Variants in ACOT11 observed in about 807,000 individuals in gnomAD.
ACOT11 encodes acyl-CoA thioesterase 11, also known as acyl-coenzyme A thioesterase 11.
ACOT11 carries 69 observed loss-of-function variants against 77.5 expected under a neutral mutation model. The observed-to-expected ratio is 0.89, with a 90% CI of 0.73 to 1.09. ACOT11 has a LOEUF of 1.09. Among genes scored for constraint, ACOT11 ranks in the 50% least tolerant of loss-of-function variants. The pLI is 0.00. For missense variants in ACOT11, 766 were observed against 813.7 expected (o/e 0.94, Z 0.71); for synonymous variants, 279 against 313.0 (o/e 0.89, Z 1.15).
downstream of ACOT11, chr1:54,612,450 C>T: frequency 2.0e-6 from 3 of 1,517,680 alleles, no homozygotes; most frequent in Non-Finnish European, 2.7e-6. Flanking sequence ...GCATCAGTGC[C>T]TCCAGGAGGG....
At position 54,601,290 on chromosome 1, in the gene ACOT11, G is replaced by A. The variant is rs1387623923; in HGVS notation, c.906G>A (p.Val302=). The A allele has an allele frequency of 1.2e-6, 2 of 1,612,416 alleles. No individual in the cohort carries two copies. The highest frequency in any genetic ancestry group is 2.7e-5 in the African/African-American group (2 of 75,042). The change falls in exon 9 of 16, where the codon GTG becomes GTA. Residue 302 remains valine (V), a synonymous_variant. Transcript: ENST00000343744. The part of the protein sequence containing the change: ...FKHSMEVGVC[V]EAYRQEAETH... The stretch of plus-strand genomic sequence containing the variant: ...TCAGCATGGAGGTGGGCGTGTGCGT[G>A]GAGGCCTATCGCCAGGAGGCTGAGA...
intron 1 of ACOT11, among the ~76,000 whole-genome samples, chr1:54,554,290 AGTGTGTGTGTGT>A (rs67577349): frequency 1.8e-4 from 19 of 108,430 alleles, no homozygotes; most frequent in South Asian, 6.4e-4. Flanking sequence ...AGTATTCCAT[AGTGTGTGTGTGT>A]GTGTGTGTGT....
rs1043770074 is a variant in ACOT11, at chr1:54,571,632, G to T, written c.34-13023G>T. ...TGCTCTGCAACACCTGCAGTGTAAG[G>T]GCACTCCTTCAGTGAGTAAAATCAC... On this transcript the variant is annotated intron_variant, in intron 1 of 15. Coordinates refer to ENST00000343744, the MANE Select transcript of ACOT11 (RefSeq NM_147161.4). Among the ~76,000 whole-genome samples the T allele has an allele frequency of 2.6e-5, 4 of 152,114 alleles. No homozygotes were observed. The East Asian group carries it at 7.7e-4, about 29-fold the overall frequency.
chr1:54,601,896 G>T (rs1027750493), intron 9 of ACOT11, among the ~76,000 whole-genome samples: 3 of 152,246 alleles, frequency 2.0e-5, no homozygotes, highest in Admixed American at 6.5e-5. Flanking sequence ...AACGCAAGGG[G>T]CACGGGAAGA....
At chr1:54,614,604 G>T, downstream of ACOT11, 1 of 1,278,726 alleles carries the variant, frequency 7.8e-7, no homozygotes, top group South Asian at 1.5e-5. Flanking sequence ...TAGTATGATT[G>T]GAGACAAACT....
intron 15 of ACOT11, chr1:54,623,449 G>A: frequency 7.5e-7 from 1 of 1,336,126 alleles, no homozygotes; most frequent in Non-Finnish European, 1.1e-6. Context: ...AGTCCCTGAG[G>A]CTCCCTGCAG....
Position 54,609,979 on chromosome 1 carries a change from GGGTTATCATAA to G in ACOT11, c.*871_*881del, listed in dbSNP as rs1237096762. ...GCAGAGGCAACAGTGTTTAGGATTT[GGGTTATCATAA>G]GGTGTTAAGAGTCCCTTGTTAAAGG... On this transcript the variant is annotated 3_prime_UTR_variant, in exon 16 of 16. Coordinates refer to ENST00000343744, the MANE Select transcript of ACOT11 (RefSeq NM_147161.4). The G allele has an allele frequency of 6.3e-7, 1 of 1,577,668 alleles. No homozygotes were observed. Among genetic ancestry groups the G allele is most frequent in the Non-Finnish European group, 8.6e-7 (1 of 1,167,426 alleles).
rs869260985 is a variant in ACOT11, at chr1:54,599,223, TAA to T, written c.765-69_765-68del. 346 of 191,014 alleles carry T rather than the reference TAA, an allele frequency of 1.8e-3. 19 individuals carry two copies. Among genetic ancestry groups the T allele is most frequent in the African/African-American group, 6.7e-3 (77 of 11,422 alleles). 11.8% of individuals were successfully genotyped at this position (191,014 alleles called of 1,614,324 possible). On this transcript the variant is annotated intron_variant, in intron 7 of 15. Coordinates refer to ENST00000343744, the MANE Select transcript of ACOT11 (RefSeq NM_147161.4). Reference sequence around the variant, plus strand: ...ATATATATATATATATATATATATATAAAAATCTGGCCCAAACTAGTGGCTGA... The same window carrying T: ...ATATATATATATATATATATATATATAAATCTGGCCCAAACTAGTGGCTGA...
chr1:54,609,676 C>T lies in ACOT11; in HGVS notation c.*564C>T. On this transcript the variant is annotated 3_prime_UTR_variant, in exon 16 of 16. Coordinates refer to ENST00000343744, the MANE Select transcript of ACOT11 (RefSeq NM_147161.4). ...CCACATGGCCGGGGACCGAAAAACT[C>T]CCGTGGGAGATTTTGGCCCCAACCC... 1.2e-6 allele frequency: 2 copies of T among 1,613,894 alleles called. No individual in the cohort carries two copies. Among genetic ancestry groups the T allele is most frequent in the East Asian group, 4.5e-5 (2 of 44,898 alleles).
rs747467378 is a variant in ACOT11 at position 54,604,409 on chromosome 1, C to T, written c.1216C>T (p.Leu406=). The T allele has an allele frequency of 6.2e-7, 1 of 1,614,058 alleles. No homozygotes were observed. Among genetic ancestry groups the T allele is most frequent in the African/African-American group, 1.3e-5 (1 of 74,998 alleles). Reference sequence around the variant, plus strand: ...GCTTGTGGCCAAGGACAACTGGGTGCTGTCCTCGGAGATCAGTCAGGTAGC... The same window carrying T: ...GCTTGTGGCCAAGGACAACTGGGTGTTGTCCTCGGAGATCAGTCAGGTAGC... The part of the protein sequence containing the change: ...KMLVAKDNWV[L]SSEISQVRLY... Residue 406 remains leucine, a synonymous_variant, in exon 12 of 16, where the codon CTG becomes TTG. Transcript: ENST00000343744.
Position 54,592,547 on chromosome 1 carries a change from G to C in ACOT11, c.313G>C (p.Val105Leu). 1 of 1,612,770 alleles carries C rather than the reference G, an allele frequency of 6.2e-7. No homozygotes were observed. The highest frequency in any genetic ancestry group is 8.5e-7 in the Non-Finnish European group (1 of 1,179,410). The change falls in exon 4 of 16, where the codon GTT becomes CTT. Residue 105 changes from valine (V) to leucine (L), a missense_variant and splice_region_variant. Val to Leu is a conservative substitution (Grantham distance 32). Transcript: ENST00000343744. ...DDIYFEHTIS[V>L]GQVVNIKAKV... ...CACCTCCTACTTTCCTCTCCCCAGTGTTGGACAAGTGGTGAATATCAAGGC... is the reference window on the plus strand; with the variant it reads ...CACCTCCTACTTTCCTCTCCCCAGTCTTGGACAAGTGGTGAATATCAAGGC...
At chr1:54,602,758 A>T (rs758262579) in intron 10 of ACOT11, 34 bp downstream of exon 10, 15 of 1,501,168 alleles carry the variant, frequency 1.0e-5, no homozygotes, top group Non-Finnish European at 1.3e-5. Context: ...CAGAATGTGG[A>T]TTCGGGGCTG....
intron 1 of ACOT11, among the ~76,000 whole-genome samples, chr1:54,562,114 G>C (rs1299546206): frequency 1.5e-5 from 1 of 65,214 alleles, no homozygotes; most frequent in Non-Finnish European, 2.8e-5. Context: ...CCTCCCTCCC[G>C]GACGGGGCGG....
chr1:54,600,613 G>T (rs1643949931), intron 8 of ACOT11, among the ~76,000 whole-genome samples: 1 of 152,180 alleles, frequency 6.6e-6, no homozygotes, highest in Non-Finnish European at 1.5e-5. Flanking sequence ...AATCCAAGAG[G>T]CGGAGGTTGC....
At chr1:54,579,786 T>G (rs1569698582) in intron 1 of ACOT11, among the ~76,000 whole-genome samples, 1 of 152,184 alleles carries the variant, frequency 6.6e-6, no homozygotes, top group Non-Finnish European at 1.5e-5. Context: ...GCACCCTGGG[T>G]TTGAAGCCCT....
intron 3 of ACOT11, among the ~76,000 whole-genome samples, chr1:54,588,437 G>A (rs1299062039): frequency 1.3e-5 from 2 of 152,172 alleles, no homozygotes; most frequent in African/African-American, 4.8e-5. Flanking sequence ...AGGAAACTGA[G>A]GCACAGAGAA....
intron 15 of ACOT11, among the ~76,000 whole-genome samples, chr1:54,628,600 C>CA (rs35237788): frequency 2.4e-5 from 3 of 123,122 alleles, no homozygotes; most frequent in East Asian, 2.6e-4. Flanking sequence ...ATCGCCCCCC[C>CA]CCCCCAAAAA....
chr1:54,596,245 C>T (rs921639774), intron 6 of ACOT11, among the ~76,000 whole-genome samples: 1 of 152,220 alleles, frequency 6.6e-6, no homozygotes, highest in Admixed American at 6.5e-5. Context: ...TTGGCTCAGG[C>T]CACCCTCAAC....
intron 1 of ACOT11, among the ~76,000 whole-genome samples, chr1:54,571,853 G>A (rs1223241300): frequency 6.6e-6 from 1 of 152,162 alleles, no homozygotes; most frequent in Non-Finnish European, 1.5e-5. Context: ...GATGCTGAGT[G>A]GGGAGGTGCT....
Sources: allele counts gnomAD v4.1 joint callset (sites outside exome capture counted in the v4.1 genomes callset), GRCh38; gene constraint gnomAD v4.1.1; transcripts MANE v1.5; gene names NCBI Gene and HGNC (gene_info 2026-07-23, HGNC 2026-07-21).